The following CAST variants were observed in gnomAD, a reference collection of about 807,000 sequenced individuals.
CAST encodes the protein MIR583 host.
A neutral mutation model predicts 119.6 loss-of-function variants in CAST; 76 were observed. The observed-to-expected ratio is 0.64, with a 90% CI of 0.53 to 0.77. The LOEUF (loss-of-function observed/expected upper bound fraction) is 0.77, where lower values mean the gene tolerates loss of function less well. Among genes scored for constraint, CAST ranks in the 30% least tolerant of loss-of-function variants. The pLI, the probability that CAST is intolerant of heterozygous loss-of-function variation, is 0.00. For missense variants in CAST, 953 were observed against 946.5 expected (o/e 1.01, Z -0.09); for synonymous variants, 319 against 331.6 (o/e 0.96, Z 0.41).
the CAST span, among the ~76,000 whole-genome samples, chr5:96,218,404 C>T: frequency 6.6e-6 from 1 of 152,284 alleles, no homozygotes; most frequent in South Asian, 2.1e-4. Context: ...CATGCTATGG[C>T]ATAATGAACT....
the CAST span, among the ~76,000 whole-genome samples, chr5:96,400,836 C>G: frequency 7.0e-6 from 1 of 143,736 alleles, no homozygotes. Flanking sequence ...GCCTGTAATC[C>G]CAGCACTTTG....
chr5:96,170,628 C>T, the CAST span, among the ~76,000 whole-genome samples: 3 of 152,170 alleles, frequency 2.0e-5, no homozygotes, highest in African/African-American at 4.8e-5. Context: ...CTAAAACGGC[C>T]TTCTGACCTT....
At chr5:96,693,767 G>C (rs1333610799) in intron 2 of CAST, among the ~76,000 whole-genome samples, 2 of 152,200 alleles carry the variant, frequency 1.3e-5, no homozygotes, top group Admixed American at 6.5e-5. Context: ...CTAGCAATCT[G>C]GATAAAATGT....
the CAST span, among the ~76,000 whole-genome samples, chr5:96,200,718 A>G: frequency 1.3e-5 from 2 of 152,122 alleles, no homozygotes; most frequent in Non-Finnish European, 2.9e-5. Context: ...TTCCTCACTT[A>G]CTAGCTGTAT....
Position 96,571,376 on chromosome 5 carries a change from C to T in CAST, c.60+41496C>T, listed in dbSNP as rs539100186. Among the ~76,000 whole-genome samples the T allele has an allele frequency of 5.3e-5, 8 of 152,334 alleles. No individual in the cohort carries two copies. In the South Asian group the frequency reaches 1.7e-3, roughly 32 times the overall value. ...GTAGAAACTGCTCCACCCTTCCTCA[C>T]ACAAGCATTCTCTGGGCATCCTTTG... On this transcript the variant is annotated intron_variant, in intron 1 of 11. Coordinates refer to the CAST transcript ENST00000505143.
chr5:96,621,314 T>C (rs751532397), intron 1 of CAST, among the ~76,000 whole-genome samples: 1 of 152,248 alleles, frequency 6.6e-6, no homozygotes, highest in Non-Finnish European at 1.5e-5. Flanking sequence ...CATAGCAATT[T>C]AATCAAGATG....
chr5:96,558,039 G>C (rs1746279369), intron 1 of CAST, among the ~76,000 whole-genome samples: 1 of 152,124 alleles, frequency 6.6e-6, no homozygotes, highest in Non-Finnish European at 1.5e-5. Context: ...CTAGAACTCA[G>C]GATTCAGAAA....
chr5:96,069,183 A>G, the CAST span, among the ~76,000 whole-genome samples: 1 of 151,904 alleles, frequency 6.6e-6, no homozygotes, highest in Non-Finnish European at 1.5e-5. Context: ...ATATATGTAT[A>G]CATACACATG....
intron 1 of CAST, among the ~76,000 whole-genome samples, chr5:96,617,790 TAAAAAAAAAAAAAAAAAA>T (rs1162873931): frequency 0.05 from 1,094 of 21,972 alleles, 19 homozygotes; most frequent in Non-Finnish European, 0.081. Flanking sequence ...AAATTCCATC[TAAAAAAAAAAAAAAAAAA>T]AAAAAAAAAA....
At chr5:96,013,987 A>C in the CAST span, among the ~76,000 whole-genome samples, 1 of 152,144 alleles carries the variant, frequency 6.6e-6, no homozygotes, top group African/African-American at 2.4e-5. Context: ...TTAATAATAA[A>C]TTAACCTGAG....
the CAST span, among the ~76,000 whole-genome samples, chr5:96,116,835 G>A: frequency 2.5e-3 from 383 of 152,282 alleles, 1 homozygote; most frequent in Non-Finnish European, 3.7e-3. Flanking sequence ...CTGGATTCAA[G>A]CTCTTTGTCA....
At chr5:96,449,488 T>C in the CAST span, among the ~76,000 whole-genome samples, 1 of 152,094 alleles carries the variant, frequency 6.6e-6, no homozygotes. Context: ...CATGGAAAAA[T>C]TGTCTTCCAT....
At chr5:96,255,402 G>T in the CAST span, among the ~76,000 whole-genome samples, 2 of 152,120 alleles carry the variant, frequency 1.3e-5, no homozygotes, top group African/African-American at 4.8e-5. Context: ...GACAAGGAAA[G>T]GCACAGATCA....
chr5:96,637,941 CCACCACTAT>C (rs544969888), intron 1 of CAST, among the ~76,000 whole-genome samples: 30 of 152,248 alleles, frequency 2.0e-4, no homozygotes, highest in African/African-American at 7.0e-4. Context: ...GATCCCTGGA[CCACCACTAT>C]CTTTTGGAAA....
the CAST span, among the ~76,000 whole-genome samples, chr5:96,339,323 T>C: frequency 6.6e-6 from 1 of 152,144 alleles, no homozygotes; most frequent in Admixed American, 6.5e-5. Flanking sequence ...AGAAAAACAG[T>C]ATAAAAAGCA....
the CAST span, among the ~76,000 whole-genome samples, chr5:96,229,148 A>G: frequency 3.3e-5 from 5 of 152,054 alleles, no homozygotes; most frequent in South Asian, 1.0e-3. Flanking sequence ...AAGATTCTAT[A>G]GAAAAGAAAG....
At chr5:96,280,095 C>T in the CAST span, among the ~76,000 whole-genome samples, 1 of 152,190 alleles carries the variant, frequency 6.6e-6, no homozygotes, top group Non-Finnish European at 1.5e-5. Flanking sequence ...TTTCTGTCTC[C>T]ATGGCTCCTT....
intron 1 of CAST, among the ~76,000 whole-genome samples, chr5:96,556,939 A>T (rs1746253453): frequency 6.6e-6 from 1 of 152,114 alleles, no homozygotes; most frequent in Non-Finnish European, 1.5e-5. Flanking sequence ...GAAGGAAAAA[A>T]TGTTAAGGGC....
intron 4 of CAST, among the ~76,000 whole-genome samples, chr5:96,724,306 GA>G (rs1362460695): frequency 6.6e-6 from 1 of 151,860 alleles, no homozygotes; most frequent in Admixed American, 6.6e-5. Context: ...TCAGTCTCCT[GA>G]GTAGCTGGAA....
Sources: allele counts gnomAD v4.1 joint callset (sites outside exome capture counted in the v4.1 genomes callset), GRCh38; gene constraint gnomAD v4.1.1; transcripts MANE v1.5; gene names NCBI Gene and HGNC (gene_info 2026-07-23, HGNC 2026-07-21).